The following FLT1 variants were observed in gnomAD, a reference collection of about 807,000 sequenced individuals.
FLT1 encodes the protein vascular endothelial growth factor receptor 1.
In FLT1, 49 loss-of-function variants were observed where a neutral mutation model predicts 156.3. That is an observed-to-expected ratio of 0.31 (90% CI 0.25 to 0.40). The LOEUF is 0.40. FLT1 is among the 10% of genes least tolerant of loss of function. The pLI is 1.00. For synonymous variants in FLT1, 594 were observed against 583.8 expected (o/e 1.02, Z -0.25); for missense variants, 1,322 against 1,637.2 (o/e 0.81, Z 3.32).
intron 15 of FLT1, among the ~76,000 whole-genome samples, chr13:28,355,768 G>A (rs1407330218): frequency 6.6e-6 from 1 of 152,232 alleles, no homozygotes; most frequent in African/African-American, 2.4e-5. Context: ...CCACGGTGCT[G>A]CTGATCTGGC....
At chr13:28,394,610 G>A (rs1874928945) in intron 12 of FLT1, among the ~76,000 whole-genome samples, 1 of 152,124 alleles carries the variant, frequency 6.6e-6, no homozygotes, top group South Asian at 2.1e-4. Flanking sequence ...TGATTAATAA[G>A]GAAGTGAGCA....
chr13:28,328,115 C>T (rs1871770877), intron 19 of FLT1, among the ~76,000 whole-genome samples: 1 of 152,244 alleles, frequency 6.6e-6, no homozygotes, highest in Admixed American at 6.5e-5. Flanking sequence ...GGAGCTACTA[C>T]TCAATTCTGC....
intron 3 of FLT1, among the ~76,000 whole-genome samples, chr13:28,449,964 C>T (rs1300915249): frequency 6.6e-6 from 1 of 150,992 alleles, no homozygotes; most frequent in Non-Finnish European, 1.5e-5. Flanking sequence ...CTGGGATGCT[C>T]TTTGGAATGT....
intron 14 of FLT1, among the ~76,000 whole-genome samples, chr13:28,379,829 G>GT (rs1370005176): frequency 6.6e-6 from 1 of 152,146 alleles, no homozygotes; most frequent in South Asian, 2.1e-4. Flanking sequence ...CCCACTGACA[G>GT]TTTTTTCCTG....
intron 17 of FLT1, among the ~76,000 whole-genome samples, chr13:28,335,223 CTT>C (rs1566291807): frequency 6.6e-6 from 1 of 152,024 alleles, no homozygotes; most frequent in Non-Finnish European, 1.5e-5. Flanking sequence ...GTAAGTCAGT[CTT>C]TTTTTGGCTT....
Position 28,322,876 on chromosome 13 carries a change from C to T in FLT1, c.2867G>A (p.Arg956Lys), listed in dbSNP as rs769777580. ...EPGLEQGKKP[R>K]LDSVTSSESF... ...TTCGCTGCTGGTGACGCTATCTAGT[C>T]TTGGTTTCTTGCCTTGTTCCAGGCC... The change falls in exon 21 of 30, where the codon AGA (arginine) becomes AAA (lysine). Residue 956 changes from arginine to lysine, a missense_variant. By Grantham distance (26) the Arg-to-Lys change is conservative. Transcript: ENST00000282397. The surrounding 1 kb of genome is among the most constrained non-coding windows in gnomAD (Gnocchi z 4.3). 6.2e-6 allele frequency: 10 copies of T among 1,614,054 alleles called. No homozygotes were observed. The highest frequency in any genetic ancestry group is 6.8e-6 in the Non-Finnish European group (8 of 1,180,022).
chr13:28,415,438 G>A (rs935001088), intron 10 of FLT1, among the ~76,000 whole-genome samples: 2 of 152,038 alleles, frequency 1.3e-5, no homozygotes, highest in East Asian at 1.9e-4. Flanking sequence ...CCAAGATCGC[G>A]CCACTGCACT....
intron 20 of FLT1, among the ~76,000 whole-genome samples, chr13:28,325,145 T>C (rs1003645509): frequency 6.6e-6 from 1 of 152,154 alleles, no homozygotes; most frequent in Non-Finnish European, 1.5e-5. Context: ...TCATTAAATA[T>C]AGCCAGAGAA....
chr13:28,427,592 C>A (rs1018600419), intron 9 of FLT1, among the ~76,000 whole-genome samples, 160 bp downstream of exon 9: 13 of 152,100 alleles, frequency 8.5e-5, no homozygotes, highest in Admixed American at 3.3e-4. Context: ...AACAAACAAA[C>A]ACGAGATTGT....
chr13:28,440,779 A>G (rs1878293408), intron 3 of FLT1, among the ~76,000 whole-genome samples: 1 of 152,208 alleles, frequency 6.6e-6, no homozygotes, highest in African/African-American at 2.4e-5. Flanking sequence ...TGAGGATTAC[A>G]TGAATTAATA....
intron 25 of FLT1, among the ~76,000 whole-genome samples, chr13:28,315,512 C>T (rs568872100): frequency 2.4e-4 from 36 of 152,092 alleles, no homozygotes; most frequent in Non-Finnish European, 4.3e-4. Flanking sequence ...GCTGAGATCA[C>T]GCCACTGCAC....
intron 13 of FLT1, chr13:28,387,001 A>C: frequency 9.6e-7 from 1 of 1,040,386 alleles, no homozygotes; most frequent in Non-Finnish European, 1.2e-6. Flanking sequence ...TTGTTTTTCT[A>C]GCTACAAAGT....
At chr13:28,343,219 G>T (rs7333530) in intron 16 of FLT1, among the ~76,000 whole-genome samples, 83,053 of 151,588 alleles carry the variant, frequency 0.55, 25,201 homozygotes, top group East Asian at 0.77. Context: ...CTGACCTCAG[G>T]TGATCCACCC....
At chr13:28,334,814 A>T (rs369275503) in intron 17 of FLT1, among the ~76,000 whole-genome samples, 63 of 152,242 alleles carry the variant, frequency 4.1e-4, no homozygotes, top group African/African-American at 1.5e-3. Flanking sequence ...CCATAATGCT[A>T]TGCTATAATG....
At chr13:28,337,482 C>T (rs138607986) in intron 17 of FLT1, among the ~76,000 whole-genome samples, 95 of 152,304 alleles carry the variant, frequency 6.2e-4, no homozygotes, top group African/African-American at 2.2e-3. Flanking sequence ...AGTCTTGGGC[C>T]TCCTTGCTCC....
intron 19 of FLT1, among the ~76,000 whole-genome samples, chr13:28,328,945 T>C (rs545008840): frequency 2.6e-5 from 4 of 152,136 alleles, no homozygotes; most frequent in South Asian, 4.1e-4. Flanking sequence ...AGCCTTTAGC[T>C]CCTCTCTAAC....
intron 14 of FLT1, among the ~76,000 whole-genome samples, chr13:28,378,050 C>CT (rs869039457): frequency 0.02 from 2,722 of 136,118 alleles, 43 homozygotes; most frequent in African/African-American, 0.041. Context: ...GAGACTTAAT[C>CT]TTTTTTTTTT....
chr13:28,365,504 A>G (rs771638133), intron 14 of FLT1, among the ~76,000 whole-genome samples: 1 of 152,080 alleles, frequency 6.6e-6, no homozygotes, highest in Non-Finnish European at 1.5e-5. Context: ...GGTGTGCACC[A>G]CCAAGCCTGG....
intron 1 of FLT1, among the ~76,000 whole-genome samples, chr13:28,494,257 T>A (rs1881629149): frequency 6.6e-6 from 1 of 152,224 alleles, no homozygotes; most frequent in South Asian, 2.1e-4. Context: ...GCTCCCCTCC[T>A]ACACTCTCGT....
Sources: gnomAD v4.1 joint callset for allele counts (sites outside exome capture counted in the v4.1 genomes callset) on GRCh38, gnomAD v4.1.1 for gene constraint, Gnocchi (gnomAD v3.1) non-coding constraint, MANE v1.5 for transcripts, NCBI Gene and HGNC (gene_info 2026-07-23, HGNC 2026-07-21) for gene names.